ZC3H12B: variants seen among roughly 807,000 people sequenced by gnomAD.
The protein encoded by ZC3H12B is probable ribonuclease ZC3H12B.
Under a neutral mutation model 43.9 loss-of-function variants are expected in ZC3H12B, and 7 were observed. The ratio of observed to expected loss-of-function variants is 0.16; its 90% CI spans 0.09 to 0.30. ZC3H12B has a LOEUF of 0.30. Among genes scored for constraint, ZC3H12B ranks in the 10% least tolerant of loss-of-function variants. The pLI is 1.00. For synonymous variants in ZC3H12B, 222 were observed against 241.7 expected, an observed-to-expected ratio of 0.92 and a Z score of 0.76; for missense variants, 475 against 670.2, an observed-to-expected ratio of 0.71 and a Z score of 3.22.
chrX:65,253,426 A>G, the ZC3H12B span, among the ~76,000 whole-genome samples: 1 of 112,290 alleles, frequency 8.9e-6, no homozygotes, highest in East Asian at 2.8e-4. Flanking sequence ...CTGCTTAGAC[A>G]GTTGATAGGG....
chrX:65,188,709 G>T, the ZC3H12B span, among the ~76,000 whole-genome samples: 1 of 109,582 alleles, frequency 9.1e-6, no homozygotes, highest in Non-Finnish European at 1.9e-5. Context: ...TTTTTAGATT[G>T]TTGTTGGCAT....
chrX:65,108,253 G>A, the ZC3H12B span, among the ~76,000 whole-genome samples: 258 of 110,474 alleles, frequency 2.3e-3, 1 homozygote, highest in African/African-American at 8.0e-3. Context: ...ATTAACCTTT[G>A]CTTACTATAA....
the ZC3H12B span, among the ~76,000 whole-genome samples, chrX:65,283,879 C>T: frequency 1.8e-5 from 2 of 111,140 alleles, no homozygotes; most frequent in African/African-American, 3.3e-5. Flanking sequence ...GTGGGTGAAG[C>T]CTGGGTGGCA....
the ZC3H12B span, among the ~76,000 whole-genome samples, chrX:65,066,595 C>T: frequency 8.9e-6 from 1 of 111,940 alleles, no homozygotes. Context: ...TGGGAGGTAT[C>T]TCCTAGTCAG....
chrX:65,204,765 A>G, the ZC3H12B span, among the ~76,000 whole-genome samples: 7 of 111,833 alleles, frequency 6.3e-5, no homozygotes, highest in African/African-American at 1.9e-4. Flanking sequence ...GCTCTTAAAA[A>G]CCTCACATAT....
At chrX:65,099,421 A>G in the ZC3H12B span, among the ~76,000 whole-genome samples, 2 of 111,309 alleles carry the variant, frequency 1.8e-5, no homozygotes, top group African/African-American at 3.3e-5. Context: ...TGACCACCGT[A>G]CCTCCTGACT....
At chrX:65,118,462 G>T in the ZC3H12B span, among the ~76,000 whole-genome samples, 1 of 110,997 alleles carries the variant, frequency 9.0e-6, no homozygotes, top group Non-Finnish European at 1.9e-5. Context: ...GAGATTTTGG[G>T]CTGAGAAGAT....
intron 3 of ZC3H12B, among the ~76,000 whole-genome samples, chrX:65,453,859 A>G (rs942519173): frequency 8.9e-6 from 1 of 112,051 alleles, no homozygotes; most frequent in African/African-American, 3.2e-5. Flanking sequence ...AGTGGGAGCT[A>G]AGCTATAACG....
At chrX:65,240,544 A>T in the ZC3H12B span, among the ~76,000 whole-genome samples, 2 of 111,545 alleles carry the variant, frequency 1.8e-5, no homozygotes, top group Non-Finnish European at 3.8e-5. Context: ...GTTATTACTT[A>T]CCTTCTGAAT....
the ZC3H12B span, among the ~76,000 whole-genome samples, chrX:65,219,809 TACACACACACACAC>T: frequency 7.6e-4 from 58 of 76,706 alleles, 1 homozygote; most frequent in East Asian, 0.023. Flanking sequence ...TACACACACA[TACACACACACACAC>T]ACACACACAC....
intron 3 of ZC3H12B, among the ~76,000 whole-genome samples, chrX:65,410,655 G>T (rs1221293453): frequency 4.5e-5 from 5 of 111,605 alleles, no homozygotes; most frequent in Admixed American, 9.5e-5. Context: ...AATAGCAAAA[G>T]ATTTGAATAA....
the ZC3H12B span, among the ~76,000 whole-genome samples, chrX:65,118,011 G>A: frequency 9.0e-6 from 1 of 111,682 alleles, no homozygotes; most frequent in African/African-American, 3.3e-5. Flanking sequence ...CTCCAGCTTT[G>A]TTCTTTTAGC....
chrX:65,370,113 A>G (rs1362405268), intron 2 of ZC3H12B, among the ~76,000 whole-genome samples: 1 of 112,138 alleles, frequency 8.9e-6, no homozygotes, highest in African/African-American at 3.2e-5. Flanking sequence ...GGAAGAAAAA[A>G]AGTATTCATA....
the ZC3H12B span, among the ~76,000 whole-genome samples, chrX:65,302,064 C>G: frequency 9.0e-6 from 1 of 110,803 alleles, no homozygotes; most frequent in African/African-American, 3.3e-5. Context: ...CTATACCTAA[C>G]AATATACTTA....
chrX:65,192,769 C>CAAATAGAT, the ZC3H12B span, among the ~76,000 whole-genome samples: 1 of 104,377 alleles, frequency 9.6e-6, no homozygotes, highest in Non-Finnish European at 1.9e-5. Context: ...GGGATTTTCC[C>CAAATAGAT]AGATAGATAG....
chrX:65,336,610 G>A, the ZC3H12B span, among the ~76,000 whole-genome samples: 2 of 111,985 alleles, frequency 1.8e-5, no homozygotes, highest in Non-Finnish European at 3.8e-5. Context: ...TGTTCTCTGG[G>A]CAAGATGGTC....
intron 3 of ZC3H12B, among the ~76,000 whole-genome samples, chrX:65,471,354 T>C (rs1408954639): frequency 9.0e-6 from 1 of 110,790 alleles, no homozygotes; most frequent in Non-Finnish European, 1.9e-5. Flanking sequence ...TCTATTTGCA[T>C]GTAATATCTT....
At chrX:65,349,854 T>C in the ZC3H12B span, among the ~76,000 whole-genome samples, 1 of 111,777 alleles carries the variant, frequency 8.9e-6, no homozygotes, top group Non-Finnish European at 1.9e-5. Context: ...AATTGAGGCA[T>C]TAATTCATAG....
chrX:65,412,377 C>A (rs1174312636), intron 3 of ZC3H12B, among the ~76,000 whole-genome samples: 1 of 112,194 alleles, frequency 8.9e-6, no homozygotes, highest in Non-Finnish European at 1.9e-5. Flanking sequence ...ATTTGTTTAG[C>A]CATTCATCCT....
Sources: allele counts gnomAD v4.1 joint callset (sites outside exome capture counted in the v4.1 genomes callset), GRCh38; gene constraint gnomAD v4.1.1; transcripts MANE v1.5; gene names NCBI Gene and HGNC (gene_info 2026-07-23, HGNC 2026-07-21).